Variants in PIK3C3 observed in about 807,000 individuals in gnomAD.
PIK3C3 encodes the protein phosphatidylinositol 3-kinase catalytic subunit type 3.
A neutral mutation model predicts 126.1 loss-of-function variants in PIK3C3; 95 were observed. The observed-to-expected ratio is 0.75, with a 90% CI of 0.64 to 0.89. PIK3C3 has a LOEUF of 0.89. Ranked by LOEUF, PIK3C3 falls within the 40% of genes least tolerant of loss-of-function variation. The pLI is 0.00. For synonymous variants in PIK3C3, 374 were observed against 360.0 expected (o/e 1.04, Z -0.44); for missense variants, 829 against 1,063.2 (o/e 0.78, Z 3.06).
chr18:41,955,512 G>C (rs1307594309), intron 1 of PIK3C3, 153 bp downstream of exon 1: 1 of 633,982 alleles, frequency 1.6e-6, no homozygotes, highest in Non-Finnish European at 2.8e-6. Context: ...AGGCGCGAGA[G>C]AGTGGATCGT....
chr18:42,010,001 CTCT>C (rs1982745138), intron 10 of PIK3C3, among the ~76,000 whole-genome samples: 1 of 152,110 alleles, frequency 6.6e-6, no homozygotes, highest in Non-Finnish European at 1.5e-5. Flanking sequence ...CACCCATTGA[CTCT>C]TTTTTTCACA....
At position 42,037,675 on chromosome 18, in the gene PIK3C3, A is replaced by G. The variant is rs777253740; in HGVS notation, c.1840-17A>G. On this transcript the variant is annotated splice_polypyrimidine_tract_variant and intron_variant, in intron 16 of 24. Coordinates refer to ENST00000262039, the MANE Select transcript of PIK3C3 (RefSeq NM_002647.4). ...TAATTCATGGCCAAATTTGAAATCA[A>G]TATTTTTATTTTCCAGAGTGCCCTT... 1.3e-6 allele frequency: 2 copies of G among 1,596,482 alleles called. No individual in the cohort carries two copies. Among genetic ancestry groups the G allele is most frequent in the Non-Finnish European group, 1.7e-6 (2 of 1,168,936 alleles).
At position 42,086,612 on chromosome 18, in the gene PIK3C3, A is replaced by G. The variant is rs1458861502; in HGVS notation, c.*5475A>G. 1 of 152,226 alleles carries G rather than the reference A, an allele frequency of 6.6e-6. No homozygotes were observed. The highest frequency in any genetic ancestry group is 1.5e-5 in the Non-Finnish European group (1 of 68,048). The allele number at this position is 152,226 out of a possible 1,614,324, so 9.4% of individuals were successfully genotyped here. On this transcript the variant is annotated 3_prime_UTR_variant, in exon 25 of 25. Transcript: ENST00000262039. ...TGACCTCCGGTCATCCTCACTGCTC[A>G]TTATACGCTAGTTATAATGCATTGA...
rs1356511695 is a variant in PIK3C3 at position 42,086,828 on chromosome 18, A to G, written c.*5691A>G. ...AATCATTAAAAAATAGCCAACCAGC[A>G]GCTCATGCTGCTGGTCTGCCTATGG... On this transcript the variant is annotated 3_prime_UTR_variant, in exon 25 of 25. Transcript: ENST00000262039. 1 of 152,210 alleles carries G rather than the reference A, an allele frequency of 6.6e-6. No homozygotes were observed. Among genetic ancestry groups the G allele is most frequent in the Admixed American group, 6.5e-5 (1 of 15,290 alleles). The allele number at this position is 152,210 out of a possible 1,614,324, so 9.4% of individuals were successfully genotyped here. A position where few individuals can be genotyped will look rare whatever the true frequency, so the allele number is the denominator to read the frequency against.
intron 21 of PIK3C3, chr18:42,050,445 A>C (rs1381200269): frequency 6.6e-6 from 1 of 152,200 alleles, no homozygotes; most frequent in South Asian, 2.1e-4. Context: ...CGAACTGCTT[A>C]CTTGAAATTG....
chr18:41,975,154 G>A (rs564703868), intron 4 of PIK3C3, among the ~76,000 whole-genome samples: 1 of 152,308 alleles, frequency 6.6e-6, no homozygotes, highest in African/African-American at 2.4e-5. Flanking sequence ...CCTGTGTGGC[G>A]TCACTGTGGG....
chr18:41,962,389 G>C (rs1980133352), intron 2 of PIK3C3, 100 bp from the exon 3 acceptor site: 1 of 948,512 alleles, frequency 1.1e-6, no homozygotes, highest in African/African-American at 1.7e-5. Flanking sequence ...AACATTTTTG[G>C]AACCTTTTCC....
chr18:42,067,080 C>T (rs1301089102), intron 23 of PIK3C3, among the ~76,000 whole-genome samples: 1 of 152,078 alleles, frequency 6.6e-6, no homozygotes, highest in Non-Finnish European at 1.5e-5. Context: ...AAAAAAGGCA[C>T]ACCTTTAGTT....
At chr18:41,985,862 A>T (rs1255663881) in intron 4 of PIK3C3, among the ~76,000 whole-genome samples, 1 of 152,132 alleles carries the variant, frequency 6.6e-6, no homozygotes, top group Non-Finnish European at 1.5e-5. Flanking sequence ...AGAGCTAGTG[A>T]AAATGGCTTT....
intron 4 of PIK3C3, among the ~76,000 whole-genome samples, chr18:41,979,556 G>A (rs1981094299): frequency 6.6e-6 from 1 of 152,164 alleles, no homozygotes; most frequent in Non-Finnish European, 1.5e-5. Flanking sequence ...CTGTACCCAC[G>A]TAATGATATT....
chr18:42,065,689 T>A (rs1985507565), intron 23 of PIK3C3, among the ~76,000 whole-genome samples: 1 of 152,208 alleles, frequency 6.6e-6, no homozygotes, highest in South Asian at 2.1e-4. Context: ...CCTCAATAGA[T>A]CTGTAGTTTC....
At chr18:41,965,150 C>G (rs1226217980) in intron 3 of PIK3C3, among the ~76,000 whole-genome samples, 1 of 152,172 alleles carries the variant, frequency 6.6e-6, no homozygotes, top group Non-Finnish European at 1.5e-5. Context: ...GAAAAATGTA[C>G]AGCTCTTCTT....
chr18:42,065,001 C>G (rs73453935), intron 23 of PIK3C3, among the ~76,000 whole-genome samples, 171 bp downstream of exon 23: 16 of 152,268 alleles, frequency 1.1e-4, no homozygotes, highest in African/African-American at 3.9e-4. Flanking sequence ...GCTACTCCAG[C>G]CCTGCAGTCA....
chr18:42,027,949 C>T (rs749373799), intron 14 of PIK3C3, among the ~76,000 whole-genome samples: 15 of 152,122 alleles, frequency 9.9e-5, no homozygotes, highest in Non-Finnish European at 2.1e-4. Flanking sequence ...AGCCACTATA[C>T]CTGGCCTGGT....
rs1403834952 is a variant in PIK3C3, at chr18:42,083,142, GA to G, written c.*2009del. ...GTGAGTGACAAGCCTATATCAAAAA[GA>G]AAAGTGGCTTATCAATCTCAGTTTT... is the stretch of plus-strand genomic sequence containing the variant. On this transcript the variant is annotated 3_prime_UTR_variant, in exon 25 of 25. Coordinates refer to ENST00000262039, the MANE Select transcript of PIK3C3 (RefSeq NM_002647.4). 1 of 152,152 alleles carries G rather than the reference GA, an allele frequency of 6.6e-6. No individual in the cohort carries two copies. Among genetic ancestry groups the G allele is most frequent in the African/African-American group, 2.4e-5 (1 of 41,444 alleles). The allele number at this position is 152,152 out of a possible 1,614,324, so 9.4% of individuals were successfully genotyped here.
chr18:41,995,084 C>G (rs1381299242), intron 7 of PIK3C3, among the ~76,000 whole-genome samples: 2 of 144,126 alleles, frequency 1.4e-5, no homozygotes, highest in African/African-American at 5.1e-5. Flanking sequence ...TAGGGAAAGA[C>G]TTTTTAACTG....
intron 4 of PIK3C3, 108 bp downstream of exon 4, chr18:41,970,564 A>C: frequency 1.0e-6 from 1 of 970,010 alleles, no homozygotes; most frequent in Non-Finnish European, 1.6e-6. Flanking sequence ...TCTAAATCTT[A>C]ACTTTTAAAT....
Position 42,087,535 on chromosome 18 carries a change from G to A in PIK3C3, c.*6398G>A, listed in dbSNP as rs900101931. On this transcript the variant is annotated 3_prime_UTR_variant, in exon 25 of 25. Coordinates refer to ENST00000262039, the MANE Select transcript of PIK3C3 (RefSeq NM_002647.4). The stretch of plus-strand genomic sequence containing the variant: ...ATTCACCCATGCAAGCTGCCAGCTT[G>A]TCTATGTCTGCAGCTCAACTTTACA... 1 of 152,174 alleles carries A rather than the reference G, an allele frequency of 6.6e-6. No homozygotes were observed. The highest frequency in any genetic ancestry group is 1.5e-5 in the Non-Finnish European group (1 of 68,036). The allele number at this position is 152,174 out of a possible 1,614,324, so 9.4% of individuals were successfully genotyped here. A position where few individuals can be genotyped will look rare whatever the true frequency, so the allele number is the denominator to read the frequency against.
chr18:42,083,170 AT>A lies in PIK3C3; in HGVS notation c.*2035del, dbSNP rs1268286605. On this transcript the variant is annotated 3_prime_UTR_variant, in exon 25 of 25. Transcript: ENST00000262039. Reference sequence around the variant, plus strand: ...AAGTGGCTTATCAATCTCAGTTTTTATTGCTCAAAGCAATTCTTTACTCCTA... The same window carrying A: ...AAGTGGCTTATCAATCTCAGTTTTTATGCTCAAAGCAATTCTTTACTCCTA... The A allele has an allele frequency of 6.6e-6, 1 of 152,106 alleles. No individual in the cohort carries two copies. The highest frequency in any genetic ancestry group is 6.5e-5 in the Admixed American group (1 of 15,274). The allele number at this position is 152,106 out of a possible 1,614,324, so 9.4% of individuals were successfully genotyped here.
Sources: allele counts gnomAD v4.1 joint callset (sites outside exome capture counted in the v4.1 genomes callset), GRCh38; gene constraint gnomAD v4.1.1; transcripts MANE v1.5; gene names NCBI Gene and HGNC (gene_info 2026-07-23, HGNC 2026-07-21).